The following NAA38 variants were observed in gnomAD, a reference collection of about 807,000 sequenced individuals.
NAA38 encodes the protein LSM domain containing 1.
Under a neutral mutation model 12.6 loss-of-function variants are expected in NAA38, and 15 were observed. The observed-to-expected ratio is 1.19, with a 90% CI of 0.79 to 1.83. The LOEUF is 1.83. Ranked by LOEUF, NAA38 falls within the 40% of genes most tolerant of loss-of-function variation. The probability of loss-of-function intolerance (pLI) is 0.00; values close to 1 mark genes in which losing one functional copy is unlikely to be tolerated. For missense variants in NAA38, 183 were observed against 171.7 expected (o/e 1.07, Z -0.37); for synonymous variants, 88 against 69.9 (o/e 1.26, Z -1.29).
At chr17:7,859,691 G>A (rs2078868835), upstream of NAA38, 1 of 1,360,342 alleles carries the variant, frequency 7.4e-7, no homozygotes, top group Non-Finnish European at 1.0e-6. Context: ...AAAGTGGTGG[G>A]GCCGAGGGGT....
rs181553753 is a variant in NAA38 at position 7,873,770 on chromosome 17, T to C, written c.-65-7212A>G. Among the ~76,000 whole-genome samples the C allele has an allele frequency of 3.9e-5, 6 of 152,216 alleles. 1 individual carries two copies. In the East Asian group the frequency reaches 1.2e-3, roughly 29 times the overall value. On this transcript the variant is annotated intron_variant, in intron 2 of 4. Coordinates refer to the NAA38 transcript ENST00000576861. ...ATAGAGTTAAACATGTAGTTGAGTA[T>C]TGGAATTTCAAGGGAGTTCTCATAT...
At chr17:7,875,235 A>G (rs1967155534) in intron 2 of NAA38, among the ~76,000 whole-genome samples, 1 of 152,152 alleles carries the variant, frequency 6.6e-6, no homozygotes, top group Non-Finnish European at 1.5e-5. Context: ...TCCATAAGTA[A>G]TATTTTAATG....
At chr17:7,883,232 T>C (rs1293322603) in intron 2 of NAA38, 1 of 152,226 alleles carries the variant, frequency 6.6e-6, no homozygotes, top group Non-Finnish European at 1.5e-5. Context: ...GTATAACCCC[T>C]ACCTCTGCTT....
At chr17:7,864,005 T>A (rs1966918821) in intron 3 of NAA38, 1 of 152,084 alleles carries the variant, frequency 6.6e-6, no homozygotes, top group African/African-American at 2.4e-5. Context: ...TGGAGCTGAG[T>A]AAAGGGATCC....
upstream of NAA38, chr17:7,861,363 G>C (rs565915413): frequency 6.6e-6 from 1 of 152,282 alleles, no homozygotes; most frequent in South Asian, 2.1e-4. Flanking sequence ...CTGTGAGATG[G>C]AGGGTTTAAA....
chr17:7,877,040 C>T (rs1022366082), intron 2 of NAA38: 2 of 387,468 alleles, frequency 5.2e-6, no homozygotes, highest in Non-Finnish European at 1.0e-5. Flanking sequence ...ACTTTGCTTA[C>T]ACATTTTTCA....
upstream of NAA38, chr17:7,862,097 A>C (rs2078887260): frequency 6.6e-6 from 1 of 152,076 alleles, no homozygotes; most frequent in Admixed American, 6.5e-5. Flanking sequence ...CTTTCTGATA[A>C]ATCAGTTAGC....
chr17:7,876,257 T>C (rs1161799348), intron 2 of NAA38, among the ~76,000 whole-genome samples: 1 of 152,124 alleles, frequency 6.6e-6, no homozygotes, highest in Non-Finnish European at 1.5e-5. Context: ...TCAATGATCA[T>C]GCCTTCCTTC....
intron 3 of NAA38, chr17:7,866,230 A>G (rs752430850): frequency 2.4e-4 from 57 of 239,182 alleles, no homozygotes; most frequent in Middle Eastern, 1.2e-3. Context: ...GGGACTACAG[A>G]TGCCCGCCAC....
rs1295457685 is a variant in NAA38, at chr17:7,882,165, G to A, written c.-66+1070C>T. The stretch of plus-strand genomic sequence containing the variant: ...TGAGTGTTTGTATAGGGATGCACAC[G>A]GCCACCTTTAGCCACCCGCACCTGC... On this transcript the variant is annotated intron_variant, in intron 2 of 4. Coordinates refer to the NAA38 transcript ENST00000576861. Among the ~76,000 whole-genome samples, 4 of 152,060 alleles carry A rather than the reference G, an allele frequency of 2.6e-5. No homozygotes were observed. The East Asian group carries it at 7.7e-4, about 29-fold the overall frequency.
upstream of NAA38, chr17:7,857,581 CT>C: frequency 7.2e-7 from 1 of 1,393,558 alleles, no homozygotes. Flanking sequence ...TCTCCTCCCC[CT>C]CCTAGTCTCC....
At chr17:7,866,600 G>A in intron 2 of NAA38, 4 of 1,007,260 alleles carry the variant, frequency 4.0e-6, no homozygotes, top group Non-Finnish European at 5.1e-6. Context: ...CTTCCTACAT[G>A]CTGTTCCTCT....
chr17:7,857,570 C>A, upstream of NAA38: 1 of 1,405,256 alleles, frequency 7.1e-7, no homozygotes. Flanking sequence ...GCGAGATCCC[C>A]TCTCCTCCCC....
At chr17:7,876,713 T>C (rs1444956630) in intron 2 of NAA38, among the ~76,000 whole-genome samples, 3 of 152,144 alleles carry the variant, frequency 2.0e-5, no homozygotes, top group Non-Finnish European at 4.4e-5. Context: ...ATATCTGTTT[T>C]AAGTCTTTAT....
At chr17:7,859,821 G>A, upstream of NAA38, 1 of 563,040 alleles carries the variant, frequency 1.8e-6, no homozygotes, top group East Asian at 3.0e-5. Context: ...TTAATCTTTG[G>A]GAATGATACA....
upstream of NAA38, chr17:7,858,950 G>A (rs2078860340): frequency 1.1e-6 from 1 of 889,472 alleles, no homozygotes; most frequent in Non-Finnish European, 1.6e-6. Context: ...TTACATTGAG[G>A]CAACTGAGGA....
At chr17:7,858,671 G>C (rs546374918), upstream of NAA38, 6 of 1,610,946 alleles carry the variant, frequency 3.7e-6, no homozygotes, top group East Asian at 1.3e-4. Flanking sequence ...GCCGCTTTGT[G>C]CACGTTCCGC....
upstream of NAA38, chr17:7,858,090 G>A (rs1350757726): frequency 1.2e-6 from 2 of 1,609,144 alleles, no homozygotes; most frequent in South Asian, 2.2e-5. Context: ...GTGCTGAGGA[G>A]CAAAGGAGTA....
chr17:7,859,094 A>C, upstream of NAA38: 1 of 570,882 alleles, frequency 1.8e-6, no homozygotes, highest in Non-Finnish European at 3.1e-6. Context: ...AAGCTCTTAC[A>C]CGCCGTTTTG....
Sources: allele counts gnomAD v4.1 joint callset (sites outside exome capture counted in the v4.1 genomes callset), GRCh38; gene constraint gnomAD v4.1.1; transcripts MANE v1.5; gene names NCBI Gene and HGNC (gene_info 2026-07-23, HGNC 2026-07-21).